The following CDK15 variants were observed in gnomAD, a reference collection of about 807,000 sequenced individuals.
CDK15 encodes the protein cyclin dependent kinase 15.
A neutral mutation model predicts 60.3 loss-of-function variants in CDK15; 62 were observed. The observed-to-expected ratio is 1.03, with a 90% CI of 0.84 to 1.27. The LOEUF is 1.27. Among genes scored for constraint, CDK15 ranks in the 50% most tolerant of loss-of-function variants. The pLI is 0.00. For synonymous variants in CDK15, 194 were observed against 195.7 expected (o/e 0.99, Z 0.07); for missense variants, 541 against 527.8 (o/e 1.03, Z -0.25).
intron 6 of CDK15, chr2:201,824,752 CT>C: frequency 1.5e-6 from 1 of 670,462 alleles, no homozygotes; most frequent in Non-Finnish European, 2.1e-6. Context: ...CAAAGTTATC[CT>C]TCAAGAGCTT....
chr2:201,830,442 T>C (rs1187107879), intron 6 of CDK15, among the ~76,000 whole-genome samples: 4 of 152,278 alleles, frequency 2.6e-5, no homozygotes, highest in East Asian at 1.9e-4. Context: ...TGGGAAACCA[T>C]GGTAAAAAAA....
At chr2:201,811,071 G>C (rs1267876796) in intron 3 of CDK15, among the ~76,000 whole-genome samples, 1 of 151,152 alleles carries the variant, frequency 6.6e-6, no homozygotes, top group Non-Finnish European at 1.5e-5. Flanking sequence ...TCAAACTCCC[G>C]AGCTCAGGCA....
At chr2:201,854,158 A>G (rs375164091) in intron 9 of CDK15, among the ~76,000 whole-genome samples, 103 of 152,028 alleles carry the variant, frequency 6.8e-4, no homozygotes, top group African/African-American at 2.4e-3. Flanking sequence ...TGGGCGACAG[A>G]GCGAGACTCC....
chr2:201,886,321 T>C (rs1260098913), intron 12 of CDK15, among the ~76,000 whole-genome samples: 1 of 151,802 alleles, frequency 6.6e-6, no homozygotes, highest in East Asian at 1.9e-4. Flanking sequence ...AGCCTTGGGT[T>C]TTAAGATTTT....
chr2:201,836,282 C>T (rs1404994897), intron 8 of CDK15, among the ~76,000 whole-genome samples: 1 of 143,906 alleles, frequency 6.9e-6, no homozygotes, highest in Non-Finnish European at 1.5e-5. Flanking sequence ...CAGCTCACTG[C>T]AACCTCCACC....
intron 11 of CDK15, among the ~76,000 whole-genome samples, chr2:201,879,470 C>T (rs1227243355): frequency 4.6e-5 from 7 of 152,198 alleles, no homozygotes; most frequent in Non-Finnish European, 1.0e-4. Context: ...GCCTCTACCT[C>T]CCAGGTGCAA....
chr2:201,873,546 C>T (rs1166272445), intron 11 of CDK15, among the ~76,000 whole-genome samples: 1 of 152,220 alleles, frequency 6.6e-6, no homozygotes, highest in Non-Finnish European at 1.5e-5. Flanking sequence ...GCAGCTGCCC[C>T]TGTCCCATGG....
chr2:201,862,257 G>A (rs1698433839), intron 10 of CDK15, among the ~76,000 whole-genome samples: 1 of 152,166 alleles, frequency 6.6e-6, no homozygotes, highest in Admixed American at 6.5e-5. Flanking sequence ...TATCTAGTAA[G>A]GGCTACTAAA....
intron 10 of CDK15, among the ~76,000 whole-genome samples, chr2:201,858,573 C>T (rs1698246717): frequency 6.6e-6 from 1 of 152,094 alleles, no homozygotes; most frequent in Admixed American, 6.6e-5. Context: ...GAAAAGTAGG[C>T]GCTTTTTTTG....
At position 201,890,846 on chromosome 2, in the gene CDK15, C is replaced by T. The variant is rs768100523; in HGVS notation, c.1260C>T (p.Ala420=). ...AGCCAGAAATGTGTGACCTTTTGGC[C>T]TCCTACCAGAAAGGTCACCACCCAG... ...RLKPEMCDLL[A]SYQKGHHPAQ... The change falls in exon 13 of 14, where the codon GCC becomes GCT. Residue 420 remains alanine (A), a synonymous_variant. Transcript: ENST00000652192. 3.1e-6 allele frequency: 5 copies of T among 1,613,730 alleles called. No individual in the cohort carries two copies. Among genetic ancestry groups the T allele is most frequent in the South Asian group, 2.2e-5 (2 of 90,984 alleles).
chr2:201,812,641 C>A, intron 4 of CDK15, 79 bp downstream of exon 4: 1 of 797,960 alleles, frequency 1.3e-6, no homozygotes, highest in South Asian at 2.1e-5. Flanking sequence ...TTGATCCATT[C>A]AGCATCTAGT....
At chr2:201,833,214 G>A (rs191738778) in intron 6 of CDK15, among the ~76,000 whole-genome samples, 1 of 146,294 alleles carries the variant, frequency 6.8e-6, no homozygotes, top group Non-Finnish European at 1.5e-5. Context: ...TTTTTTGAGG[G>A]GGGGGGTCTA....
At position 201,833,979 on chromosome 2, in the gene CDK15, G is replaced by A. The variant is rs200976149; in HGVS notation, c.730+8G>A. The A allele has an allele frequency of 1.1e-5, 17 of 1,612,254 alleles. No individual in the cohort carries two copies. The Admixed American group carries it at 1.3e-4, about 13-fold the overall frequency. On this transcript the variant is annotated splice_region_variant and intron_variant, in intron 7 of 13. Coordinates refer to ENST00000652192, the MANE Select transcript of CDK15 (RefSeq NM_001366386.2). ...TCAAACTGGCTGATTTTGGTAAGTCGCCCCTCGGGTCTCATTCTGGGCTGT... is the reference window on the plus strand; with the variant it reads ...TCAAACTGGCTGATTTTGGTAAGTCACCCCTCGGGTCTCATTCTGGGCTGT...
At chr2:201,812,213 C>T (rs1210516266) in intron 3 of CDK15, among the ~76,000 whole-genome samples, 1 of 144,664 alleles carries the variant, frequency 6.9e-6, no homozygotes, top group South Asian at 2.2e-4. Context: ...AAAAACACTA[C>T]AATAAGTCAG....
At chr2:201,828,758 T>G (rs1045225623) in intron 6 of CDK15, among the ~76,000 whole-genome samples, 2 of 152,206 alleles carry the variant, frequency 1.3e-5, no homozygotes, top group Non-Finnish European at 2.9e-5. Flanking sequence ...GAAGCCTCCA[T>G]GAGAGTTCAG....
intron 10 of CDK15, among the ~76,000 whole-genome samples, chr2:201,856,086 C>T (rs949991575): frequency 1.3e-5 from 2 of 152,090 alleles, no homozygotes; most frequent in Admixed American, 1.3e-4. Context: ...CTTCAGCTTC[C>T]CAAAATGCTG....
At chr2:201,834,331 A>G (rs1279866002) in intron 7 of CDK15, among the ~76,000 whole-genome samples, 1 of 152,182 alleles carries the variant, frequency 6.6e-6, no homozygotes. Flanking sequence ...CCAAGATGAT[A>G]AAGAGGTTAA....
At chr2:201,892,297 C>T (rs934368385) in intron 13 of CDK15, among the ~76,000 whole-genome samples, 1 of 152,154 alleles carries the variant, frequency 6.6e-6, no homozygotes, top group African/African-American at 2.4e-5. Context: ...TAGCTGCATT[C>T]TGTGAAGTGG....
chr2:201,807,792 A>G (rs1482497537), intron 2 of CDK15, 66 bp from the exon 3 acceptor site: 12 of 1,555,758 alleles, frequency 7.7e-6, no homozygotes, highest in Admixed American at 5.7e-5. Flanking sequence ...AAAAGTCAAC[A>G]CTAAAAAAAA....
Sources: gnomAD v4.1 joint callset for allele counts (sites outside exome capture counted in the v4.1 genomes callset) on GRCh38, gnomAD v4.1.1 for gene constraint, MANE v1.5 for transcripts, NCBI Gene and HGNC (gene_info 2026-07-23, HGNC 2026-07-21) for gene names.